PALLD: variants seen among roughly 807,000 people sequenced by gnomAD.
The protein encoded by PALLD is palladin, cytoskeletal associated protein.
PALLD carries 61 observed loss-of-function variants against 123.5 expected under a neutral mutation model. That is an observed-to-expected ratio of 0.49 (90% CI 0.40 to 0.61). PALLD has a LOEUF of 0.61. PALLD is among the 20% of genes least tolerant of loss of function. The pLI is 0.00. For missense variants in PALLD, 1,273 were observed against 1,377.0 expected, an observed-to-expected ratio of 0.92 and a Z score of 1.20; for synonymous variants, 465 against 496.4, an observed-to-expected ratio of 0.94 and a Z score of 0.84.
chr4:168,731,898 G>A (rs572614942), intron 10 of PALLD, among the ~76,000 whole-genome samples: 1 of 152,210 alleles, frequency 6.6e-6, no homozygotes, highest in Non-Finnish European at 1.5e-5. Flanking sequence ...TGATAAACAA[G>A]TGGTTCTTTT....
chr4:168,561,339 G>T (rs1370993498), intron 2 of PALLD, among the ~76,000 whole-genome samples: 1 of 152,026 alleles, frequency 6.6e-6, no homozygotes, highest in Non-Finnish European at 1.5e-5. Context: ...ACAGCTCACT[G>T]TAGCCTCCAC....
chr4:168,744,601 G>A (rs748150485), intron 10 of PALLD, among the ~76,000 whole-genome samples: 11 of 152,202 alleles, frequency 7.2e-5, no homozygotes, highest in Non-Finnish European at 1.5e-4. Context: ...AGGAGGACAA[G>A]AGGCATTAAG....
chr4:168,921,795 A>G (rs954344071), intron 18 of PALLD, 54 bp downstream of exon 18: 1 of 1,310,646 alleles, frequency 7.6e-7, no homozygotes, highest in African/African-American at 1.5e-5. Flanking sequence ...CAGACTTACA[A>G]ATGTAAACTA....
At position 168,913,980 on chromosome 4, in the gene PALLD, T is replaced by G. The variant is rs1582136312; in HGVS notation, c.2676T>G (p.Gly892=). 6.2e-7 allele frequency: 1 copy of G among 1,613,150 alleles called. No homozygotes were observed. The highest frequency in any genetic ancestry group is 8.5e-7 in the Non-Finnish European group (1 of 1,179,184). ...TGGTACAGGCTGTCAACCAAAGAGG[T>G]CGAAGTCCCCGGTCTCCCTCAGGCC... ...RLMVQAVNQR[G]RSPRSPSGHP... Residue 892 remains glycine (G), a synonymous_variant, in exon 16 of 22, where the codon GGT becomes GGG. Transcript: ENST00000505667.
At chr4:168,539,312 G>T (rs760452659) in intron 2 of PALLD, among the ~76,000 whole-genome samples, 1 of 152,120 alleles carries the variant, frequency 6.6e-6, no homozygotes, top group Non-Finnish European at 1.5e-5. Flanking sequence ...AGTCCTGCCC[G>T]GGCGCGGTGG....
intron 8 of PALLD, among the ~76,000 whole-genome samples, chr4:168,696,179 C>T (rs1783114308): frequency 6.6e-6 from 1 of 152,102 alleles, no homozygotes; most frequent in Admixed American, 6.6e-5. Context: ...AGACTCAAGA[C>T]ACATTTGAGT....
At chr4:168,517,874 C>T (rs1763140192) in intron 2 of PALLD, among the ~76,000 whole-genome samples, 1 of 152,154 alleles carries the variant, frequency 6.6e-6, no homozygotes, top group African/African-American at 2.4e-5. Flanking sequence ...GTTGTGACTG[C>T]AACATGAAAT....
At chr4:168,909,273 CAA>C (rs1289738725) in intron 15 of PALLD, among the ~76,000 whole-genome samples, 1 of 152,172 alleles carries the variant, frequency 6.6e-6, no homozygotes, top group African/African-American at 2.4e-5. Flanking sequence ...GATGTTTCCT[CAA>C]ACTGCATTAT....
chr4:168,881,475 T>A (rs1051195796), intron 10 of PALLD, among the ~76,000 whole-genome samples: 14 of 146,460 alleles, frequency 9.6e-5, no homozygotes, highest in Non-Finnish European at 2.1e-4. Context: ...GTATAGAAGT[T>A]CCCCAGACCG....
At chr4:168,524,412 T>C (rs1763854367) in intron 2 of PALLD, among the ~76,000 whole-genome samples, 1 of 152,230 alleles carries the variant, frequency 6.6e-6, no homozygotes, top group Admixed American at 6.5e-5. Context: ...CTGGTAGGGA[T>C]GGAATTCACA....
At chr4:168,839,936 A>C (rs945077011) in intron 10 of PALLD, among the ~76,000 whole-genome samples, 21 of 152,218 alleles carry the variant, frequency 1.4e-4, no homozygotes, top group African/African-American at 5.1e-4. Flanking sequence ...TATAGTCTGC[A>C]AAATCTGCCC....
At chr4:168,628,168 A>G (rs1420424445) in intron 2 of PALLD, among the ~76,000 whole-genome samples, 2 of 152,256 alleles carry the variant, frequency 1.3e-5, no homozygotes. Flanking sequence ...GGACGTTTGT[A>G]ACATTGTTTA....
At chr4:168,682,235 C>T (rs1781617563) in intron 4 of PALLD, among the ~76,000 whole-genome samples, 1 of 152,120 alleles carries the variant, frequency 6.6e-6, no homozygotes, top group Non-Finnish European at 1.5e-5. Context: ...ATGGAAAAGT[C>T]CATAAATATT....
intron 2 of PALLD, among the ~76,000 whole-genome samples, chr4:168,654,299 A>AT (rs1256828938): frequency 6.6e-6 from 1 of 151,406 alleles, no homozygotes; most frequent in Non-Finnish European, 1.5e-5. Flanking sequence ...TGTTATGTGT[A>AT]TTTTTTTGTC....
intron 2 of PALLD, among the ~76,000 whole-genome samples, chr4:168,535,377 T>A (rs1764998655): frequency 6.6e-6 from 1 of 152,208 alleles, no homozygotes; most frequent in Admixed American, 6.5e-5. Context: ...AATAATTCAA[T>A]GATTTTCCAA....
chr4:168,615,413 T>C (rs1027344801), intron 2 of PALLD, among the ~76,000 whole-genome samples: 27 of 152,226 alleles, frequency 1.8e-4, no homozygotes, highest in Non-Finnish European at 3.4e-4. Flanking sequence ...CATTTCTCCT[T>C]ACAATTTCAC....
intron 2 of PALLD, among the ~76,000 whole-genome samples, chr4:168,600,022 T>TACACACACATACATGTGTGTAC (rs1772413567): frequency 6.8e-6 from 1 of 146,038 alleles, no homozygotes; most frequent in Non-Finnish European, 1.5e-5. Context: ...TACATGTGTG[T>TACACACACATACATGTGTGTAC]ACACACACAT....
At chr4:168,659,237 C>G (rs1490497454) in intron 2 of PALLD, among the ~76,000 whole-genome samples, 2 of 152,250 alleles carry the variant, frequency 1.3e-5, no homozygotes, top group African/African-American at 4.8e-5. Flanking sequence ...CAGTTCGTGG[C>G]AGACCACTGC....
intron 10 of PALLD, among the ~76,000 whole-genome samples, chr4:168,876,121 T>C (rs985978467): frequency 6.6e-6 from 1 of 152,278 alleles, no homozygotes; most frequent in East Asian, 1.9e-4. Context: ...AGAGTGTTGA[T>C]AAACATCCTG....
Sources: gnomAD v4.1 joint callset for allele counts (sites outside exome capture counted in the v4.1 genomes callset) on GRCh38, gnomAD v4.1.1 for gene constraint, MANE v1.5 for transcripts, NCBI Gene and HGNC (gene_info 2026-07-23, HGNC 2026-07-21) for gene names.